LRP5: variants seen among roughly 807,000 people sequenced by gnomAD.
LRP5 encodes the protein low-density lipoprotein receptor-related protein 5.
In LRP5, 62 loss-of-function variants were observed where a neutral mutation model predicts 154.1. The ratio of observed to expected loss-of-function variants is 0.40; its 90% CI spans 0.33 to 0.50. LRP5 has a LOEUF of 0.50. Ranked by LOEUF, LRP5 falls within the 20% of genes least tolerant of loss-of-function variation. The pLI, the probability that LRP5 is intolerant of heterozygous loss-of-function variation, is 0.55. For synonymous variants in LRP5, 966 were observed against 1,011.5 expected (o/e 0.96, Z 0.85); for missense variants, 1,915 against 2,336.7 (o/e 0.82, Z 3.72).
rs1473383554 is a variant in LRP5 at position 68,390,599 on chromosome 11, C to T, written c.1584+547C>T. On this transcript the variant is annotated intron_variant, in intron 7 of 22. Coordinates refer to ENST00000294304, the MANE Select transcript of LRP5 (RefSeq NM_002335.4). ...CTTTGCTGGGTGCAGCCTCGCCCTG[C>T]TGCTGTGGTCGGGTTTCAGTGGCCT... Among the ~76,000 whole-genome samples the T allele has an allele frequency of 2.6e-5, 4 of 152,122 alleles. No homozygotes were observed. The East Asian group carries it at 7.7e-4, about 29-fold the overall frequency.
intron 1 of LRP5, among the ~76,000 whole-genome samples, chr11:68,331,408 A>G (rs2098602668): frequency 6.6e-6 from 1 of 152,182 alleles, no homozygotes; most frequent in African/African-American, 2.4e-5. Flanking sequence ...GCCCGGGAGC[A>G]CAGGCAGGAG....
chr11:68,355,077 A>G (rs2098622051), intron 2 of LRP5, among the ~76,000 whole-genome samples: 2 of 152,154 alleles, frequency 1.3e-5, no homozygotes, highest in Admixed American at 1.3e-4. Flanking sequence ...TCGCTCAGGA[A>G]CGATACCACT....
At chr11:68,419,944 C>T (rs901263246) in intron 13 of LRP5, among the ~76,000 whole-genome samples, 3 of 152,070 alleles carry the variant, frequency 2.0e-5, no homozygotes, top group Non-Finnish European at 4.4e-5. Flanking sequence ...TCAAGTTGTG[C>T]ACCTCCACAC....
intron 9 of LRP5, 114 bp downstream of exon 9, chr11:68,406,927 G>T: frequency 9.3e-7 from 1 of 1,078,966 alleles, no homozygotes; most frequent in South Asian, 1.4e-5. Context: ...TTATTGTAAC[G>T]CAGTTCAAGC....
At chr11:68,303,642 C>T in the LRP5 span, among the ~76,000 whole-genome samples, 16 of 152,256 alleles carry the variant, frequency 1.1e-4, no homozygotes, top group East Asian at 5.8e-4. Flanking sequence ...TACAGGTCTG[C>T]GCCACCACAC....
chr11:68,420,163 C>T (rs2098664760), intron 13 of LRP5, among the ~76,000 whole-genome samples: 1 of 152,212 alleles, frequency 6.6e-6, no homozygotes, highest in Admixed American at 6.5e-5. Context: ...TGCCATTCAT[C>T]TCCAGACTAC....
At chr11:68,439,456 A>G (rs1480302293) in intron 20 of LRP5, among the ~76,000 whole-genome samples, 7 of 152,212 alleles carry the variant, frequency 4.6e-5, no homozygotes, top group African/African-American at 1.7e-4. Flanking sequence ...GCACCATCAC[A>G]GTCGCAGCAG....
intron 7 of LRP5, among the ~76,000 whole-genome samples, chr11:68,395,691 GT>G (rs2098648921): frequency 6.6e-6 from 1 of 152,122 alleles, no homozygotes; most frequent in Non-Finnish European, 1.5e-5. Context: ...GAAGGTGCAG[GT>G]GGATGCCCAG....
At chr11:68,374,224 G>A (rs73513058) in intron 5 of LRP5, among the ~76,000 whole-genome samples, 3,721 of 152,290 alleles carry the variant, frequency 0.024, 143 homozygotes, top group African/African-American at 0.084. Flanking sequence ...ACGTCCCTCC[G>A]TCTGTCCGGG....
intron 7 of LRP5, among the ~76,000 whole-genome samples, chr11:68,399,782 A>C (rs1342702258): frequency 6.6e-6 from 1 of 152,204 alleles, no homozygotes; most frequent in Non-Finnish European, 1.5e-5. Flanking sequence ...GGGAGGCCTG[A>C]CCCAGCAGAG....
chr11:68,439,328 C>A (rs952535104), intron 20 of LRP5, among the ~76,000 whole-genome samples: 7 of 152,218 alleles, frequency 4.6e-5, no homozygotes, highest in Admixed American at 3.3e-4. Context: ...GTCCCACTGT[C>A]ACCCCAAGCC....
chr11:68,408,445 T>C (rs2098656992), intron 9 of LRP5, among the ~76,000 whole-genome samples: 1 of 151,928 alleles, frequency 6.6e-6, no homozygotes, highest in Non-Finnish European at 1.5e-5. Context: ...ACAAGGGTTC[T>C]TTGTAGAAAA....
At chr11:68,391,336 C>T (rs997026392) in intron 7 of LRP5, among the ~76,000 whole-genome samples, 2 of 152,238 alleles carry the variant, frequency 1.3e-5, no homozygotes, top group East Asian at 1.9e-4. Context: ...ATCGCACCAT[C>T]GTCACCCATT....
chr11:68,339,937 G>A (rs1483566683), intron 1 of LRP5, among the ~76,000 whole-genome samples: 2 of 152,172 alleles, frequency 1.3e-5, no homozygotes, highest in East Asian at 1.9e-4. Flanking sequence ...AGCAGCCAGA[G>A]GTGTCTTTAA....
In LRP5 at chr11:68,314,398, C is replaced by G. The variant is rs1296405626; in HGVS notation, c.91+1593C>G. Among the ~76,000 whole-genome samples, 5 of 152,182 alleles carry G rather than the reference C, an allele frequency of 3.3e-5. No homozygotes were observed. The East Asian group carries it at 9.6e-4, about 29-fold the overall frequency. ...TTATTTTAACATTAGGCAGCAAGGC[C>G]TGGGAGCCCCAGTGAATGTGGTGAT... is the stretch of plus-strand genomic sequence containing the variant. On this transcript the variant is annotated intron_variant, in intron 1 of 22. Transcript: ENST00000294304.
intron 1 of LRP5, among the ~76,000 whole-genome samples, chr11:68,316,340 T>C (rs7952507): frequency 0.013 from 2,009 of 152,250 alleles, 45 homozygotes; most frequent in African/African-American, 0.046. Context: ...GGTGCGATCT[T>C]GGCTCACTGC....
chr11:68,307,106 C>T, the LRP5 span, among the ~76,000 whole-genome samples: 3 of 151,972 alleles, frequency 2.0e-5, no homozygotes, highest in Admixed American at 6.6e-5. Flanking sequence ...TGCTTGAACC[C>T]GGGAGGTGGA....
At chr11:68,352,445 GA>G (rs2098619488) in intron 2 of LRP5, among the ~76,000 whole-genome samples, 1 of 152,248 alleles carries the variant, frequency 6.6e-6, no homozygotes. Context: ...CTCGCCACCA[GA>G]AGTCCAGTCT....
intron 1 of LRP5, among the ~76,000 whole-genome samples, chr11:68,339,062 T>G (rs2098607361): frequency 6.6e-6 from 1 of 151,230 alleles, no homozygotes; most frequent in African/African-American, 2.4e-5. Context: ...TTAGTAGAGA[T>G]GGGGTTTCAC....
Sources: allele counts gnomAD v4.1 joint callset (sites outside exome capture counted in the v4.1 genomes callset), GRCh38; gene constraint gnomAD v4.1.1; transcripts MANE v1.5; gene names NCBI Gene and HGNC (gene_info 2026-07-23, HGNC 2026-07-21).